The following HAUS7 variants were observed in gnomAD, a reference collection of about 807,000 sequenced individuals.
HAUS7 encodes HAUS augmin-like complex subunit 7.
Under a neutral mutation model 28.4 loss-of-function variants are expected in HAUS7, and 3 were observed. The ratio of observed to expected loss-of-function variants is 0.11; its 90% confidence interval spans 0.05 to 0.27. The LOEUF is 0.27. HAUS7 is among the 10% of genes least tolerant of loss of function. HAUS7 has a pLI of 1.00. For missense variants in HAUS7, 284 were observed against 297.3 expected, an observed-to-expected ratio of 0.96 and a Z score of 0.33; for synonymous variants, 165 against 132.1, an observed-to-expected ratio of 1.25 and a Z score of -1.71.
intron 4 of HAUS7, 141 bp from the exon 5 acceptor site, chrX:153,457,369 G>A (rs2089328240): frequency 2.2e-6 from 1 of 460,775 alleles, no homozygotes; most frequent in Admixed American, 3.5e-5. Flanking sequence ...ACGACCCTGT[G>A]CCTGCCCAGC....
intron 4 of HAUS7, among the ~76,000 whole-genome samples, chrX:153,457,664 T>C (rs1193242607): frequency 1.8e-5 from 2 of 112,351 alleles, no homozygotes; most frequent in African/African-American, 6.5e-5. Context: ...GGCTGAGAGG[T>C]GGCCTGCTTT....
At chrX:153,461,384 G>A (rs2089387975) in intron 4 of HAUS7, among the ~76,000 whole-genome samples, 3 of 110,669 alleles carry the variant, frequency 2.7e-5, no homozygotes, top group African/African-American at 6.6e-5. Context: ...GCAGGGTGTC[G>A]TGTCCATGGC....
intron 1 of HAUS7, chrX:153,481,259 G>A (rs2089598015): frequency 3.2e-6 from 2 of 624,341 alleles, no homozygotes; most frequent in Middle Eastern, 9.3e-4. Flanking sequence ...AACCCAGGCT[G>A]GCTGAGTCAC....
chrX:153,491,135 A>C (rs1178760957), intron 1 of HAUS7, among the ~76,000 whole-genome samples: 2 of 111,424 alleles, frequency 1.8e-5, no homozygotes, highest in African/African-American at 6.5e-5. Flanking sequence ...AGCAGGGCAG[A>C]GGGAGCCCGG....
rs782575951 is a variant in HAUS7, at chrX:153,469,111, C to A, written c.224+35G>T. On this transcript the variant is annotated intron_variant, in intron 2 of 9. Transcript: ENST00000370211. ...TGGGGCTGGCTGGCGCCCATGCACA[C>A]CCCAGGTGGGAAGAGGAAGAAACTG... is the stretch of plus-strand genomic sequence containing the variant. The A allele has an allele frequency of 1.2e-5, 10 of 854,607 alleles. No individual in the cohort carries two copies. The East Asian group carries it at 3.1e-4, about 27-fold the overall frequency. The allele number at this position is 854,607 out of a possible 1,213,427, so 70.4% of individuals were successfully genotyped here.
intron 1 of HAUS7, chrX:153,483,587 G>A: frequency 4.5e-6 from 2 of 447,242 alleles, no homozygotes; most frequent in Non-Finnish European, 5.6e-6. Flanking sequence ...CCAGGAGGCA[G>A]GGGGCTCCAG....
intron 9 of HAUS7, among the ~76,000 whole-genome samples, chrX:153,453,138 T>C (rs1471444256): frequency 1.8e-5 from 2 of 112,391 alleles, no homozygotes; most frequent in African/African-American, 6.5e-5. Context: ...TACAAAACTT[T>C]ATGCTCAGTG....
chrX:153,448,874 C>T (rs1197896340), intron 9 of HAUS7, among the ~76,000 whole-genome samples: 13 of 112,689 alleles, frequency 1.2e-4, no homozygotes, highest in African/African-American at 3.5e-4. Context: ...CTGCCCCCTG[C>T]CCCCCAAGCC....
intron 8 of HAUS7, chrX:153,454,734 G>A: frequency 4.0e-6 from 2 of 506,221 alleles, no homozygotes; most frequent in Non-Finnish European, 6.8e-6. Context: ...CAGTGGGGAT[G>A]CCACACTCTC....
intron 2 of HAUS7, among the ~76,000 whole-genome samples, chrX:153,468,783 C>T (rs892936700): frequency 8.9e-6 from 1 of 112,772 alleles, no homozygotes; most frequent in African/African-American, 3.2e-5. Flanking sequence ...TGCCTCCAGC[C>T]TGACCCTTGG....
intron 1 of HAUS7, chrX:153,482,620 G>A: frequency 4.1e-6 from 3 of 724,624 alleles, no homozygotes; most frequent in African/African-American, 2.3e-5. Context: ...CTGCCAGCCT[G>A]GGTAAGGGGC....
At chrX:153,454,926 G>C (rs1256299646) in intron 8 of HAUS7, 1 of 1,033,781 alleles carries the variant, frequency 9.7e-7, no homozygotes, top group African/African-American at 1.9e-5. Flanking sequence ...AGGTTGGAAG[G>C]CTCGGAGCCT....
At chrX:153,489,269 C>A (rs1260123798) in intron 1 of HAUS7, among the ~76,000 whole-genome samples, 1 of 112,416 alleles carries the variant, frequency 8.9e-6, no homozygotes, top group African/African-American at 3.2e-5. Context: ...GAGGGAATCT[C>A]TAGACAGAGC....
intron 1 of HAUS7, among the ~76,000 whole-genome samples, chrX:153,485,592 T>G (rs1556988308): frequency 8.9e-6 from 1 of 112,229 alleles, no homozygotes; most frequent in East Asian, 2.8e-4. Context: ...ACACAGGGCC[T>G]GGCCTGACTC....
chrX:153,494,323 G>A (rs2089691368), intron 1 of HAUS7, among the ~76,000 whole-genome samples: 1 of 112,848 alleles, frequency 8.9e-6, no homozygotes, highest in African/African-American at 3.2e-5. Context: ...TCAGTTCAGG[G>A]CAGGCAAGCT....
chrX:153,447,810 C>T lies in HAUS7; in HGVS notation c.*68G>A, dbSNP rs932738109. 4 of 918,979 alleles carry T rather than the reference C, an allele frequency of 4.4e-6. No homozygotes were observed. The highest frequency in any genetic ancestry group is 6.4e-6 in the Non-Finnish European group (4 of 627,909). The allele number at this position is 918,979 out of a possible 1,213,427, so 75.7% of individuals were successfully genotyped here. On this transcript the variant is annotated 3_prime_UTR_variant, in exon 10 of 10. Transcript: ENST00000370211. ...CACAATCATCCATCCTCGGCCAACT[C>T]GATCTTGGGAGAGGGCTTCCTGCCC...
At chrX:153,448,418 T>G (rs1329179744) in intron 9 of HAUS7, among the ~76,000 whole-genome samples, 1 of 96,406 alleles carries the variant, frequency 1.0e-5, no homozygotes, top group African/African-American at 3.9e-5. Flanking sequence ...GGAGGAGGGA[T>G]AGCATTAGGA....
intron 2 of HAUS7, among the ~76,000 whole-genome samples, chrX:153,466,009 G>C: frequency 8.9e-6 from 1 of 112,800 alleles, no homozygotes; most frequent in Non-Finnish European, 1.9e-5. Context: ...CATCACTCTA[G>C]GAGCCTGCTG....
intron 1 of HAUS7, chrX:153,487,105 G>A (rs782551668): frequency 1.2e-5 from 3 of 241,231 alleles, no homozygotes; most frequent in South Asian, 8.5e-5. Context: ...ATGTCCGTGC[G>A]GTTCCTGGGC....
Sources: gnomAD v4.1 joint callset for allele counts (sites outside exome capture counted in the v4.1 genomes callset) on GRCh38, gnomAD v4.1.1 for gene constraint, MANE v1.5 for transcripts, NCBI Gene and HGNC (gene_info 2026-07-23, HGNC 2026-07-21) for gene names.